Variants in PPP3CA observed in about 807,000 individuals in gnomAD.
PPP3CA encodes the protein protein phosphatase 3 catalytic subunit alpha.
PPP3CA carries 14 observed loss-of-function variants against 66.5 expected under a neutral mutation model. The ratio of observed to expected loss-of-function variants is 0.21; its 90% confidence interval spans 0.14 to 0.33. PPP3CA has a LOEUF of 0.33. PPP3CA is among the 10% of genes least tolerant of loss of function. The pLI, the probability that PPP3CA is intolerant of heterozygous loss-of-function variation, is 1.00. For synonymous variants in PPP3CA, 232 were observed against 226.2 expected (o/e 1.03, Z -0.23); for missense variants, 317 against 639.5 (o/e 0.50, Z 5.44).
At chr4:101,250,867 T>G (rs1395214395) in intron 1 of PPP3CA, among the ~76,000 whole-genome samples, 2 of 152,078 alleles carry the variant, frequency 1.3e-5, no homozygotes, top group African/African-American at 4.8e-5. Context: ...ATAAAAAATT[T>G]TAAAGACAAA....
chr4:101,300,270 A>T (rs1441552904), intron 1 of PPP3CA, among the ~76,000 whole-genome samples: 1 of 152,176 alleles, frequency 6.6e-6, no homozygotes, highest in Non-Finnish European at 1.5e-5. Flanking sequence ...CCATATAAAC[A>T]CTTGGTATCC....
intron 1 of PPP3CA, among the ~76,000 whole-genome samples, chr4:101,306,476 T>A (rs766333920): frequency 6.6e-6 from 1 of 152,046 alleles, no homozygotes; most frequent in South Asian, 2.1e-4. Flanking sequence ...AAAGCCAAAG[T>A]GAGAGTGAAA....
At chr4:101,262,034 T>G (rs1233230532) in intron 1 of PPP3CA, among the ~76,000 whole-genome samples, 1 of 152,112 alleles carries the variant, frequency 6.6e-6, no homozygotes, top group African/African-American at 2.4e-5. Context: ...ATTCAATGAT[T>G]TTTCTAAGAA....
intron 1 of PPP3CA, among the ~76,000 whole-genome samples, chr4:101,339,305 T>C (rs562053609): frequency 1.3e-5 from 2 of 152,306 alleles, no homozygotes; most frequent in African/African-American, 4.8e-5. Flanking sequence ...AATACACAAA[T>C]CATCCAATAA....
chr4:101,273,817 A>C, intron 1 of PPP3CA, among the ~76,000 whole-genome samples: 1 of 152,226 alleles, frequency 6.6e-6, no homozygotes, highest in South Asian at 2.1e-4. Context: ...CCTCTACAGA[A>C]GTAAAATAAA....
chr4:101,073,666 C>T (rs1189221756), intron 8 of PPP3CA, among the ~76,000 whole-genome samples: 1 of 152,044 alleles, frequency 6.6e-6, no homozygotes, highest in Non-Finnish European at 1.5e-5. Flanking sequence ...TCTCAGTGAA[C>T]TCTCTTAGGC....
At chr4:101,156,114 C>T (rs1365647199) in intron 2 of PPP3CA, among the ~76,000 whole-genome samples, 4 of 152,146 alleles carry the variant, frequency 2.6e-5, no homozygotes, top group Non-Finnish European at 5.9e-5. Flanking sequence ...TTATGCTTTT[C>T]ATATGAAAAC....
intron 2 of PPP3CA, among the ~76,000 whole-genome samples, chr4:101,109,672 A>C (rs968681232): frequency 6.6e-6 from 1 of 151,550 alleles, no homozygotes; most frequent in African/African-American, 2.4e-5. Context: ...AAAAAAAAAA[A>C]AACTCCAATT....
At chr4:101,112,746 ACTATCATC>A (rs2110266584) in intron 2 of PPP3CA, among the ~76,000 whole-genome samples, 1 of 152,282 alleles carries the variant, frequency 6.6e-6, no homozygotes, top group South Asian at 2.1e-4. Flanking sequence ...AACTCCCTCC[ACTATCATC>A]CTTCACAGTA....
intron 5 of PPP3CA, among the ~76,000 whole-genome samples, chr4:101,095,286 G>T (rs551043702): frequency 6.6e-6 from 1 of 152,212 alleles, no homozygotes; most frequent in African/African-American, 2.4e-5. Flanking sequence ...GGACAGTAGA[G>T]GAGGGGAAAG....
intron 1 of PPP3CA, among the ~76,000 whole-genome samples, chr4:101,343,072 G>A (rs976466112): frequency 2.6e-5 from 4 of 151,964 alleles, no homozygotes; most frequent in African/African-American, 4.8e-5. Flanking sequence ...GCACAACAAC[G>A]CATTATCTAT....
At chr4:101,120,418 C>T (rs1721989170) in intron 2 of PPP3CA, among the ~76,000 whole-genome samples, 1 of 151,946 alleles carries the variant, frequency 6.6e-6, no homozygotes, top group Non-Finnish European at 1.5e-5. Flanking sequence ...AGTGGATTTC[C>T]CTCTCTGTAC....
intron 1 of PPP3CA, among the ~76,000 whole-genome samples, chr4:101,337,650 T>C (rs775372039): frequency 6.6e-6 from 1 of 152,234 alleles, no homozygotes; most frequent in Non-Finnish European, 1.5e-5. Context: ...AGACAAAGTA[T>C]ATCCCGGCCC....
At chr4:101,221,133 C>T (rs1458012412) in intron 1 of PPP3CA, among the ~76,000 whole-genome samples, 3 of 151,602 alleles carry the variant, frequency 2.0e-5, no homozygotes, top group African/African-American at 7.3e-5. Context: ...TTCTAAGTTT[C>T]ACATATACTT....
intron 10 of PPP3CA, among the ~76,000 whole-genome samples, chr4:101,060,454 T>A (rs1728413250): frequency 6.6e-6 from 1 of 152,152 alleles, no homozygotes; most frequent in Non-Finnish European, 1.5e-5. Flanking sequence ...TTTGAGGTGC[T>A]TTTGTAAGAC....
intron 2 of PPP3CA, among the ~76,000 whole-genome samples, chr4:101,146,938 C>A (rs1722989640): frequency 6.6e-6 from 1 of 152,164 alleles, no homozygotes; most frequent in Non-Finnish European, 1.5e-5. Flanking sequence ...CAAAAAGTTT[C>A]AAATTCTGTA....
chr4:101,163,673 A>G (rs1178782142), intron 2 of PPP3CA, among the ~76,000 whole-genome samples: 1 of 152,162 alleles, frequency 6.6e-6, no homozygotes, highest in African/African-American at 2.4e-5. Flanking sequence ...GGGTTATGGA[A>G]GCACAGCAGT....
Position 101,061,121 on chromosome 4 carries a change from A to G in PPP3CA, c.1122T>C (p.Asp374=). The change falls in exon 10 of 14, where the codon GAT becomes GAC. Residue 374 remains aspartate, a synonymous_variant. Coordinates refer to ENST00000394854, the MANE Select transcript of PPP3CA (RefSeq NM_000944.5). ...MLVNVLNICS[D]DELGSEEDGF... The stretch of plus-strand genomic sequence containing the variant: ...CATCTTCTTCTGACCCTAGTTCATC[A>G]TCTGAGCAGATGTTGAGGACATTTA... The G allele has an allele frequency of 6.2e-7, 1 of 1,612,470 alleles. No homozygotes were observed. Among genetic ancestry groups the G allele is most frequent in the South Asian group, 1.1e-5 (1 of 91,056 alleles).
At chr4:101,257,360 C>T (rs553727726) in intron 1 of PPP3CA, among the ~76,000 whole-genome samples, 6 of 149,174 alleles carry the variant, frequency 4.0e-5, no homozygotes, top group African/African-American at 1.5e-4. Flanking sequence ...ATTCCACATT[C>T]AGTGACAGAT....
Sources: gnomAD v4.1 joint callset for allele counts (sites outside exome capture counted in the v4.1 genomes callset) on GRCh38, gnomAD v4.1.1 for gene constraint, MANE v1.5 for transcripts, NCBI Gene and HGNC (gene_info 2026-07-23, HGNC 2026-07-21) for gene names.